Variants in RAD51B observed in about 807,000 individuals in gnomAD.
The protein encoded by RAD51B is DNA repair protein RAD51 homolog 2.
A neutral mutation model predicts 42.2 loss-of-function variants in RAD51B; 38 were observed. The observed-to-expected ratio is 0.90, with a 90% CI of 0.70 to 1.18. The LOEUF is 1.18. Among genes scored for constraint, RAD51B ranks in the 50% most tolerant of loss-of-function variants. The probability of loss-of-function intolerance (pLI) is 0.00; values close to 1 mark genes in which losing one functional copy is unlikely to be tolerated. For missense variants in RAD51B, 373 were observed against 400.7 expected, an observed-to-expected ratio of 0.93 and a Z score of 0.59; for synonymous variants, 154 against 145.2, an observed-to-expected ratio of 1.06 and a Z score of -0.43.
chr14:68,589,855 C>A (rs975491698), intron 10 of RAD51B, among the ~76,000 whole-genome samples: 1 of 152,180 alleles, frequency 6.6e-6, no homozygotes, highest in Non-Finnish European at 1.5e-5. Flanking sequence ...TTTTTCCCCC[C>A]CATTTTCAGT....
intron 11 of RAD51B, among the ~76,000 whole-genome samples, chr14:68,666,050 C>A (rs934079341): frequency 1.3e-5 from 2 of 152,182 alleles, no homozygotes; most frequent in African/African-American, 4.8e-5. Flanking sequence ...AACCTGAAAT[C>A]TGAGAGGTAT....
intron 7 of RAD51B, among the ~76,000 whole-genome samples, chr14:68,111,751 G>T (rs1424666639): frequency 6.6e-6 from 1 of 152,014 alleles, no homozygotes; most frequent in African/African-American, 2.4e-5. Context: ...TGCCACCTGG[G>T]TCTCCTGAAA....
intron 7 of RAD51B, among the ~76,000 whole-genome samples, chr14:68,134,000 T>A (rs2077957331): frequency 6.6e-6 from 1 of 152,108 alleles, no homozygotes; most frequent in Non-Finnish European, 1.5e-5. Flanking sequence ...ATGCATGCAT[T>A]CATTTTTGTG....
chr14:68,259,457 TA>T (rs1335447706), intron 7 of RAD51B, among the ~76,000 whole-genome samples: 1 of 151,906 alleles, frequency 6.6e-6, no homozygotes, highest in Non-Finnish European at 1.5e-5. Flanking sequence ...ATAATAATAA[TA>T]AAATAAAAAT....
chr14:68,611,613 G>A, downstream of RAD51B: 1 of 362,154 alleles, frequency 2.8e-6, no homozygotes, highest in East Asian at 4.5e-5. Context: ...AGTGTGTTTT[G>A]TAGAAGTTGA....
At chr14:68,152,077 C>G (rs2078400525) in intron 7 of RAD51B, among the ~76,000 whole-genome samples, 1 of 152,056 alleles carries the variant, frequency 6.6e-6, no homozygotes, top group Non-Finnish European at 1.5e-5. Flanking sequence ...CTCCAGACCT[C>G]AGGTGATCTG....
At chr14:68,617,450 T>C (rs1435723209) in intron 10 of RAD51B, among the ~76,000 whole-genome samples, 2 of 152,216 alleles carry the variant, frequency 1.3e-5, no homozygotes, top group African/African-American at 4.8e-5. Flanking sequence ...CTGGTCATTC[T>C]TTGCCCAGAC....
At chr14:68,176,787 G>A (rs1192102652) in intron 7 of RAD51B, among the ~76,000 whole-genome samples, 1 of 152,132 alleles carries the variant, frequency 6.6e-6, no homozygotes, top group African/African-American at 2.4e-5. Context: ...AATAGTTATA[G>A]CAGTGCCAAA....
At chr14:68,556,717 T>C (rs1276632159) in intron 10 of RAD51B, among the ~76,000 whole-genome samples, 1 of 152,172 alleles carries the variant, frequency 6.6e-6, no homozygotes, top group African/African-American at 2.4e-5. Flanking sequence ...TATTTGCAGT[T>C]ACATATGTTT....
At chr14:67,977,865 G>C (rs528390264) in intron 7 of RAD51B, among the ~76,000 whole-genome samples, 3 of 152,050 alleles carry the variant, frequency 2.0e-5, no homozygotes, top group Non-Finnish European at 2.9e-5. Flanking sequence ...CAGTTCTTTC[G>C]GCCACTTTAA....
At position 68,334,230 on chromosome 14, in the gene RAD51B, C is replaced by A. The variant is rs573123216; in HGVS notation, c.853+42250C>A. On this transcript the variant is annotated intron_variant, in intron 8 of 10. Transcript: ENST00000471583. ...TTTGGCTTCTCCAAAACTTTATTAGCCTACTGTTGATTGGAAGCCTTACTG... is the reference window on the plus strand; with the variant it reads ...TTTGGCTTCTCCAAAACTTTATTAGACTACTGTTGATTGGAAGCCTTACTG... 7.9e-5 allele frequency among the ~76,000 whole-genome samples: 12 copies of A among 152,114 alleles called. No individual in the cohort carries two copies. The East Asian group carries it at 2.3e-3, about 29-fold the overall frequency.
intron 7 of RAD51B, among the ~76,000 whole-genome samples, chr14:68,166,210 A>G (rs1285906915): frequency 1.3e-5 from 2 of 149,596 alleles, no homozygotes; most frequent in Non-Finnish European, 3.0e-5. Context: ...ATACATGAAG[A>G]AAAAAGTCCT....
intron 7 of RAD51B, among the ~76,000 whole-genome samples, chr14:68,007,270 G>T (rs1343504003): frequency 6.6e-6 from 1 of 151,962 alleles, no homozygotes; most frequent in African/African-American, 2.4e-5. Flanking sequence ...TTATTTGATG[G>T]TTATTTGACT....
intron 8 of RAD51B, among the ~76,000 whole-genome samples, chr14:68,365,084 G>A (rs939028370): frequency 2.0e-5 from 3 of 152,042 alleles, no homozygotes; most frequent in Admixed American, 6.5e-5. Flanking sequence ...TGGGTCTGAG[G>A]AAAGCACAGG....
At position 68,331,221 on chromosome 14, in the gene RAD51B, G is replaced by C. The variant is rs2139801185; in HGVS notation, c.853+39241G>C. On this transcript the variant is annotated intron_variant, in intron 8 of 10. Transcript: ENST00000471583. ...TACTAAAAATACAAAAATTAGCTGG[G>C]CATGGTGGCGCGTGCCTATAATCCT... 2.6e-5 allele frequency among the ~76,000 whole-genome samples: 4 copies of C among 151,506 alleles called. No homozygotes were observed. The South Asian group carries it at 8.4e-4, about 32-fold the overall frequency.
chr14:67,883,435 T>C (rs1384845004), intron 5 of RAD51B, among the ~76,000 whole-genome samples: 1 of 152,144 alleles, frequency 6.6e-6, no homozygotes, highest in Non-Finnish European at 1.5e-5. Flanking sequence ...GTGTTCCAGA[T>C]ACTTTAGTCT....
chr14:68,547,320 GAC>G (rs1888288226), intron 10 of RAD51B, among the ~76,000 whole-genome samples: 1 of 152,220 alleles, frequency 6.6e-6, no homozygotes, highest in African/African-American at 2.4e-5. Context: ...TGTTTCTAAA[GAC>G]ACCTCATTCT....
At chr14:68,603,970 T>C (rs1200789158) in intron 10 of RAD51B, among the ~76,000 whole-genome samples, 4 of 152,186 alleles carry the variant, frequency 2.6e-5, no homozygotes, top group African/African-American at 9.6e-5. Context: ...CTAGCCCAAA[T>C]GAAACAGAGC....
rs1450837971 is a variant in RAD51B at position 68,336,117 on chromosome 14, AAG to A, written c.853+44140_853+44141del. ...TTTCAGAGGTTATTCGGAGAGTTAAAAGAGTTAATAATATGTGAGAATGATGT... is the reference window on the plus strand; with the variant it reads ...TTTCAGAGGTTATTCGGAGAGTTAAAAGTTAATAATATGTGAGAATGATGT... On this transcript the variant is annotated intron_variant, in intron 8 of 10. Transcript: ENST00000471583. Among the ~76,000 whole-genome samples, 9 of 152,358 alleles carry A rather than the reference AAG, an allele frequency of 5.9e-5. No homozygotes were observed. The East Asian group carries it at 1.7e-3, about 29-fold the overall frequency.
Sources: allele counts gnomAD v4.1 joint callset (sites outside exome capture counted in the v4.1 genomes callset), GRCh38; gene constraint gnomAD v4.1.1; transcripts MANE v1.5; gene names NCBI Gene and HGNC (gene_info 2026-07-23, HGNC 2026-07-21).